The following OFD1 variants were observed in gnomAD, a reference collection of about 807,000 sequenced individuals.
OFD1 encodes OFD1 centriole and centriolar satellite protein.
In OFD1, 12 loss-of-function variants were observed where a neutral mutation model predicts 81.4. The ratio of observed to expected loss-of-function variants is 0.15; its 90% CI spans 0.09 to 0.24. The LOEUF is 0.24. Among genes scored for constraint, OFD1 ranks in the 10% least tolerant of loss-of-function variants. OFD1 has a pLI of 1.00. For synonymous variants in OFD1, 256 were observed against 263.7 expected (o/e 0.97, Z 0.28); for missense variants, 685 against 733.9 (o/e 0.93, Z 0.77).
chrX:13,740,251 A>T, intron 5 of OFD1: 2 of 740,907 alleles, frequency 2.7e-6, no homozygotes, highest in Non-Finnish European at 3.7e-6. Flanking sequence ...AGTGTCGTCC[A>T]GTGTGACTCT....
downstream of OFD1, chrX:13,771,573 T>G (rs1278616058): frequency 8.9e-6 from 1 of 112,005 alleles, no homozygotes; most frequent in Non-Finnish European, 1.9e-5. Context: ...ACAAGTTAAC[T>G]CTTAACAATG....
At chrX:13,764,895 T>G (rs1350675654) in intron 19 of OFD1, among the ~76,000 whole-genome samples, 1 of 111,090 alleles carries the variant, frequency 9.0e-6, no homozygotes, top group Non-Finnish European at 1.9e-5. Flanking sequence ...GGGAGGCAGA[T>G]GGTCAGCAGG....
In OFD1 at chrX:13,769,256, T is replaced by C. The variant is rs2048254634; in HGVS notation, c.*148T>C. 7.8e-6 allele frequency: 4 copies of C among 513,908 alleles called. No individual in the cohort carries two copies. The Admixed American group carries it at 8.8e-5, about 11-fold the overall frequency. 42.4% of individuals were successfully genotyped at this position (513,908 alleles called of 1,213,427 possible). A position where few individuals can be genotyped will look rare whatever the true frequency, so the allele number is the denominator to read the frequency against. On this transcript the variant is annotated 3_prime_UTR_variant, in exon 23 of 23. Coordinates refer to ENST00000340096, the MANE Select transcript of OFD1 (RefSeq NM_003611.3). ...TTTTTTTTTCCATAATTAATTTTGA[T>C]ACCATAGTGTGTGAACCAAGAATAA...
the OFD1 span, among the ~76,000 whole-genome samples, chrX:13,714,763 T>C: frequency 8.9e-6 from 1 of 112,094 alleles, no homozygotes. Flanking sequence ...CAGTTAACTT[T>C]CAGAATTTAC....
Position 13,760,636 on chromosome X carries a change from C to T in OFD1, c.2176C>T (p.Arg726Cys), listed in dbSNP as rs1260959326. 1.1e-5 allele frequency: 13 copies of T among 1,209,524 alleles called. No homozygotes were observed. The highest frequency in any genetic ancestry group is 5.9e-5 in the East Asian group (2 of 33,767). Residue 726 changes from arginine (R) to cysteine (C), a missense_variant, in exon 16 of 23, where the codon CGC becomes TGC. Transcript: ENST00000340096. ...GACAGGCAGTGCAGCCTCGAGGCTC[C>T]GCGGGGGCACTTCCTCCAGACGCCT... is the stretch of plus-strand genomic sequence containing the variant. ...ALTGSAASRL[R>C]GGTSSRRLSS...
downstream of OFD1, among the ~76,000 whole-genome samples, chrX:13,770,607 A>C (rs184777572): frequency 1.4e-3 from 161 of 112,326 alleles, no homozygotes; most frequent in Middle Eastern, 4.6e-3. Context: ...ATAACTACAC[A>C]CATGCCCTTA....
chrX:13,767,504 A>G (rs2048176287), intron 20 of OFD1, among the ~76,000 whole-genome samples: 1 of 112,228 alleles, frequency 8.9e-6, no homozygotes, highest in Non-Finnish European at 1.9e-5. Context: ...TTTTGAAGGT[A>G]ATTTTTGTAC....
chrX:13,740,153 T>G, intron 5 of OFD1: 2 of 970,812 alleles, frequency 2.1e-6, no homozygotes, highest in Non-Finnish European at 2.6e-6. Context: ...ATAAATAAAT[T>G]GGAGCACAAG....
At chrX:13,760,855 A>G in intron 16 of OFD1, 135 bp downstream of exon 16, 1 of 895,062 alleles carries the variant, frequency 1.1e-6, no homozygotes, top group Non-Finnish European at 1.6e-6. Flanking sequence ...CTGTTTAGAG[A>G]GTGATAGTTG....
intron 19 of OFD1, among the ~76,000 whole-genome samples, chrX:13,766,250 A>G (rs193108798): frequency 1.9e-4 from 21 of 111,939 alleles, no homozygotes; most frequent in Non-Finnish European, 3.8e-4. Context: ...AGATGACCAC[A>G]GGTTGTTGGA....
upstream of OFD1, among the ~76,000 whole-genome samples, chrX:13,730,958 C>G (rs1384557389): frequency 9.1e-6 from 1 of 110,386 alleles, no homozygotes; most frequent in Non-Finnish European, 1.9e-5. Flanking sequence ...AGGAGGAATA[C>G]CTAATGTAAA....
intron 9 of OFD1, among the ~76,000 whole-genome samples, chrX:13,750,452 C>T (rs937344413): frequency 1.8e-5 from 2 of 111,830 alleles, no homozygotes; most frequent in African/African-American, 6.5e-5. Flanking sequence ...TGTAGCACTT[C>T]TCAGGATGGC....
At chrX:13,753,485 G>GTA (rs1445014491) in intron 11 of OFD1, 44 bp downstream of exon 11, 1 of 1,168,857 alleles carries the variant, frequency 8.6e-7, no homozygotes, top group Admixed American at 2.2e-5. Context: ...CAGTTCTGCT[G>GTA]TAGGTTATTA....
At chrX:13,764,730 C>G (rs1335600482) in intron 19 of OFD1, among the ~76,000 whole-genome samples, 1 of 112,517 alleles carries the variant, frequency 8.9e-6, no homozygotes, top group African/African-American at 3.2e-5. Flanking sequence ...CTGAAAGAGG[C>G]AAGAGATTTT....
intron 10 of OFD1, 118 bp downstream of exon 10, chrX:13,751,486 A>G: frequency 1.8e-6 from 1 of 561,888 alleles, no homozygotes; most frequent in Non-Finnish European, 2.8e-6. Context: ...AAAAAAAAAA[A>G]CATAGTTTTA....
chrX:13,773,723 T>G (rs1040723257), downstream of OFD1: 2 of 111,985 alleles, frequency 1.8e-5, no homozygotes, highest in African/African-American at 6.5e-5. Flanking sequence ...GCAAAATAAA[T>G]CTACATCTCA....
intron 19 of OFD1, among the ~76,000 whole-genome samples, chrX:13,766,140 G>A (rs1429396693): frequency 8.9e-6 from 1 of 112,176 alleles, no homozygotes; most frequent in Non-Finnish European, 1.9e-5. Context: ...GAAGAAAAGG[G>A]CAGGTTGTCA....
chrX:13,728,763 A>G, the OFD1 span, among the ~76,000 whole-genome samples: 2 of 112,052 alleles, frequency 1.8e-5, no homozygotes, highest in Non-Finnish European at 3.8e-5. Context: ...CAATCAGGCA[A>G]GAGAAAGAAC....
At chrX:13,751,701 G>C (rs2047508875) in intron 10 of OFD1, among the ~76,000 whole-genome samples, 2 of 111,481 alleles carry the variant, frequency 1.8e-5, no homozygotes, top group African/African-American at 6.5e-5. Context: ...GGGTGTGGTG[G>C]TGGGCACTTG....
Sources: gnomAD v4.1 joint callset for allele counts (sites outside exome capture counted in the v4.1 genomes callset) on GRCh38, gnomAD v4.1.1 for gene constraint, MANE v1.5 for transcripts, NCBI Gene and HGNC (gene_info 2026-07-23, HGNC 2026-07-21) for gene names.